Variants in MMP26 observed in about 807,000 individuals in gnomAD.
The protein encoded by MMP26 is matrix metalloproteinase-26.
Under a neutral mutation model 31.0 loss-of-function variants are expected in MMP26, and 33 were observed. The ratio of observed to expected loss-of-function variants is 1.06; its 90% confidence interval spans 0.81 to 1.42. The LOEUF is 1.42. MMP26 is among the 40% of genes most tolerant of loss of function. MMP26 has a pLI of 0.00. For synonymous variants in MMP26, 122 were observed against 114.9 expected, an observed-to-expected ratio of 1.06 and a Z score of -0.40; for missense variants, 347 against 316.1, an observed-to-expected ratio of 1.10 and a Z score of -0.74.
At chr11:4,857,121 G>A (rs926131764) in intron 2 of MMP26, among the ~76,000 whole-genome samples, 1 of 152,046 alleles carries the variant, frequency 6.6e-6, no homozygotes, top group Admixed American at 6.6e-5. Flanking sequence ...GAGAAAGCAG[G>A]AAAGATCTAA....
intron 2 of MMP26, among the ~76,000 whole-genome samples, chr11:4,788,441 T>A (rs1269680790): frequency 6.6e-6 from 1 of 152,070 alleles, no homozygotes; most frequent in Non-Finnish European, 1.5e-5. Flanking sequence ...GGAAAATGGC[T>A]TCTAAGAAGC....
intron 2 of MMP26, chr11:4,769,631 A>G (rs747211123): frequency 6.3e-7 from 1 of 1,599,140 alleles, no homozygotes; most frequent in Non-Finnish European, 8.5e-7. Context: ...GCAGCTATAT[A>G]GACTGATTTC....
chr11:4,908,158 T>G, intron 2 of MMP26: 1 of 1,614,204 alleles, frequency 6.2e-7, no homozygotes, highest in Non-Finnish European at 8.5e-7. Flanking sequence ...TGCATCACTT[T>G]GCCAAGCACA....
intron 2 of MMP26, among the ~76,000 whole-genome samples, chr11:4,873,217 T>C (rs1204963514): frequency 1.3e-5 from 2 of 152,126 alleles, no homozygotes; most frequent in African/African-American, 4.8e-5. Flanking sequence ...AGGTCTGTGC[T>C]GGTCTCTTGG....
intron 2 of MMP26, among the ~76,000 whole-genome samples, chr11:4,925,988 GT>G (rs1851267093): frequency 1.3e-5 from 2 of 152,078 alleles, no homozygotes; most frequent in African/African-American, 4.8e-5. Flanking sequence ...CTACAGATGG[GT>G]GAGAATATTA....
In MMP26 at chr11:4,988,191, TGGGACAAATGAG is replaced by T. The variant is rs765395520; in HGVS notation, c.-18_-7del. On this transcript the variant is annotated 5_prime_UTR_variant, in exon 3 of 8. An upstream start codon of the reference 5' UTR is lost. Coordinates refer to ENST00000380390, the MANE Select transcript of MMP26 (RefSeq NM_021801.5). ...AAGTTGTGTACCTGAATTCAAGCAG[TGGGACAAATGAG>T]GGTTTGGCATGCAGCTCGTCATCTT... 1 of 1,610,434 alleles carries T rather than the reference TGGGACAAATGAG, an allele frequency of 6.2e-7. No homozygotes were observed. The highest frequency in any genetic ancestry group is 1.1e-5 in the South Asian group (1 of 91,018).
At chr11:4,945,052 G>T (rs1217170861) in intron 2 of MMP26, 1 of 151,744 alleles carries the variant, frequency 6.6e-6, no homozygotes, top group Non-Finnish European at 1.5e-5. Flanking sequence ...TATTCAAGAA[G>T]AAGAAAGAAA....
At chr11:4,748,496 A>G (rs1466587606) in intron 1 of MMP26, among the ~76,000 whole-genome samples, 2 of 151,910 alleles carry the variant, frequency 1.3e-5, no homozygotes, top group Non-Finnish European at 2.9e-5. Flanking sequence ...ATGAAAATAA[A>G]ACTACAGATA....
chr11:4,853,172 G>A (rs1374519713), intron 2 of MMP26, among the ~76,000 whole-genome samples: 1 of 152,106 alleles, frequency 6.6e-6, no homozygotes, highest in African/African-American at 2.4e-5. Flanking sequence ...TTGTATACTT[G>A]AAATTTGCCA....
At chr11:4,803,517 G>A in intron 2 of MMP26, 4 of 1,614,084 alleles carry the variant, frequency 2.5e-6, no homozygotes, top group South Asian at 2.2e-5. Context: ...GGTTGAGCAT[G>A]GGAGGTATCA....
At chr11:4,763,603 A>T (rs1848594227) in intron 1 of MMP26, among the ~76,000 whole-genome samples, 1 of 152,230 alleles carries the variant, frequency 6.6e-6, no homozygotes, top group Admixed American at 6.5e-5. Context: ...ATGAGAGTAC[A>T]TGCCCTTCAA....
chr11:4,804,633 A>G, intron 2 of MMP26: 3 of 644,472 alleles, frequency 4.7e-6, no homozygotes, highest in African/African-American at 1.8e-5. Flanking sequence ...TTGCATGTGT[A>G]ACTGTTTTTT....
rs376534277 is a variant in MMP26 at position 4,946,992 on chromosome 11, A to G, written c.-144-41076A>G. The G allele has an allele frequency of 8.2e-6, 13 of 1,592,896 alleles. No homozygotes were observed. The South Asian group carries it at 1.1e-4, about 14-fold the overall frequency. On this transcript the variant is annotated intron_variant, in intron 2 of 7. Coordinates refer to ENST00000380390, the MANE Select transcript of MMP26 (RefSeq NM_021801.5). ...CCATTTCCTAGAATAGCAATAAGAT[A>G]CATGCTGCAGATGGGGATAGAGATC... is the stretch of plus-strand genomic sequence containing the variant.
At chr11:4,782,809 A>G (rs918172732) in intron 2 of MMP26, among the ~76,000 whole-genome samples, 4 of 152,220 alleles carry the variant, frequency 2.6e-5, no homozygotes, top group African/African-American at 9.7e-5. Flanking sequence ...CATGGCTGAA[A>G]GGGGCCAATG....
intron 3 of MMP26, 68 bp from the exon 4 acceptor site, chr11:4,989,580 C>A: frequency 7.7e-7 from 1 of 1,300,590 alleles, no homozygotes; most frequent in Non-Finnish European, 1.1e-6. Flanking sequence ...GAAGGCTATG[C>A]CCAGGGTAAC....
At chr11:4,787,773 C>G (rs1258272265) in intron 2 of MMP26, 2 of 152,136 alleles carry the variant, frequency 1.3e-5, no homozygotes, top group African/African-American at 4.8e-5. Flanking sequence ...TCTCCCATGC[C>G]AACCCGTATT....
At chr11:4,870,683 G>A (rs1850298924) in intron 2 of MMP26, among the ~76,000 whole-genome samples, 1 of 152,072 alleles carries the variant, frequency 6.6e-6, no homozygotes, top group African/African-American at 2.4e-5. Context: ...GGTGAATTGT[G>A]GTGTGGTTAG....
chr11:4,935,252 T>G (rs973311939), intron 2 of MMP26, among the ~76,000 whole-genome samples: 61 of 150,946 alleles, frequency 4.0e-4, no homozygotes, highest in South Asian at 4.2e-4. Flanking sequence ...TTTATTTCAT[T>G]GAGCAGTGGT....
In MMP26 at chr11:4,954,248, C is replaced by T. The variant is rs1207795172; in HGVS notation, c.-144-33820C>T. Among the ~76,000 whole-genome samples, 6 of 122,318 alleles carry T rather than the reference C, an allele frequency of 4.9e-5. 3 individuals carry two copies. The highest frequency in any genetic ancestry group is 1.1e-4 in the Non-Finnish European group (6 of 54,572). 80.2% of individuals were successfully genotyped at this position (122,318 alleles called of 152,430 possible). A position where few individuals can be genotyped will look rare whatever the true frequency, so the allele number is the denominator to read the frequency against. On this transcript the variant is annotated intron_variant, in intron 2 of 7. Transcript: ENST00000380390. ...CTTCTAGGGTGGGGAAATGATGGGG[C>T]GGGGATTGGACTGAAAAACTATCTG...
Sources: allele counts gnomAD v4.1 joint callset (sites outside exome capture counted in the v4.1 genomes callset), GRCh38; gene constraint gnomAD v4.1.1; transcripts MANE v1.5; gene names NCBI Gene and HGNC (gene_info 2026-07-23, HGNC 2026-07-21).